Variants in NRCAM observed in about 807,000 individuals in gnomAD.
The protein encoded by NRCAM is NgCAM-related cell adhesion molecule.
Under a neutral mutation model 156.5 loss-of-function variants are expected in NRCAM, and 83 were observed. The ratio of observed to expected loss-of-function variants is 0.53; its 90% CI spans 0.44 to 0.64. NRCAM has a LOEUF of 0.64. NRCAM is among the 30% of genes least tolerant of loss of function. The pLI is 0.00. For missense variants in NRCAM, 1,417 were observed against 1,597.3 expected, an observed-to-expected ratio of 0.89 and a Z score of 1.92; for synonymous variants, 538 against 563.9, an observed-to-expected ratio of 0.95 and a Z score of 0.65.
At chr7:108,193,961 C>A in intron 17 of NRCAM, 63 bp downstream of exon 17, 1 of 1,527,124 alleles carries the variant, frequency 6.5e-7, no homozygotes, top group Non-Finnish European at 9.0e-7. Flanking sequence ...CATAGTAGAC[C>A]TTTAGTTCAA....
At chr7:108,220,227 T>C (rs748767092) in intron 11 of NRCAM, among the ~76,000 whole-genome samples, 82 of 152,206 alleles carry the variant, frequency 5.4e-4, no homozygotes, top group Non-Finnish European at 9.7e-4. Flanking sequence ...ACACATCCCA[T>C]GCTCATGGAA....
At chr7:108,416,921 C>A (rs1802255935) in intron 1 of NRCAM, among the ~76,000 whole-genome samples, 2 of 152,358 alleles carry the variant, frequency 1.3e-5, no homozygotes, top group South Asian at 4.1e-4. Flanking sequence ...CCTCCCATTT[C>A]AGATCCATGC....
At chr7:108,174,502 C>A (rs1238829679) in intron 28 of NRCAM, among the ~76,000 whole-genome samples, 1 of 152,246 alleles carries the variant, frequency 6.6e-6, no homozygotes, top group Non-Finnish European at 1.5e-5. Flanking sequence ...AGGTACTCCA[C>A]TGCTCTCTAA....
chr7:108,282,053 T>C (rs1168862895), intron 3 of NRCAM, among the ~76,000 whole-genome samples: 1 of 152,188 alleles, frequency 6.6e-6, no homozygotes, highest in African/African-American at 2.4e-5. Flanking sequence ...ATAGCTTAAA[T>C]AACAAGCAGC....
At chr7:108,335,888 G>T (rs572958942) in intron 2 of NRCAM, among the ~76,000 whole-genome samples, 1 of 152,090 alleles carries the variant, frequency 6.6e-6, no homozygotes, top group African/African-American at 2.4e-5. Context: ...ACAGTCAGTA[G>T]AAAGCACTAC....
At chr7:108,368,225 C>A (rs1298293168) in intron 2 of NRCAM, among the ~76,000 whole-genome samples, 5 of 8,692 alleles carry the variant, frequency 5.8e-4, no homozygotes, top group African/African-American at 8.7e-4. Flanking sequence ...CACTTTCATA[C>A]CCCCCCCCAC....
chr7:108,320,909 G>A (rs968932652), intron 2 of NRCAM, among the ~76,000 whole-genome samples: 19 of 152,184 alleles, frequency 1.2e-4, no homozygotes, highest in East Asian at 9.6e-4. Flanking sequence ...GTTAATTTAC[G>A]CAGGCGTAAA....
At chr7:108,169,767 C>G (rs2057305016) in intron 28 of NRCAM, among the ~76,000 whole-genome samples, 1 of 152,022 alleles carries the variant, frequency 6.6e-6, no homozygotes, top group African/African-American at 2.4e-5. Context: ...TAAATATGCA[C>G]ACATGTGTAA....
intron 3 of NRCAM, among the ~76,000 whole-genome samples, chr7:108,270,347 C>G (rs565886032): frequency 1.3e-5 from 2 of 152,160 alleles, no homozygotes; most frequent in South Asian, 2.1e-4. Context: ...CCAAGCACCC[C>G]CCTTCAAGGT....
chr7:108,319,690 G>T (rs1354707329), intron 2 of NRCAM, among the ~76,000 whole-genome samples: 1 of 152,184 alleles, frequency 6.6e-6, no homozygotes, highest in Non-Finnish European at 1.5e-5. Flanking sequence ...GTCAAGGTCA[G>T]ACTTTTCTAA....
At chr7:108,322,203 A>G (rs540077269) in intron 2 of NRCAM, among the ~76,000 whole-genome samples, 1 of 152,206 alleles carries the variant, frequency 6.6e-6, no homozygotes, top group South Asian at 2.1e-4. Context: ...TTCTTTTTAG[A>G]TGTTCTAGTT....
At position 108,191,724 on chromosome 7, in the gene NRCAM, C is replaced by G; in HGVS notation, c.1903+5G>C. The stretch of plus-strand genomic sequence containing the variant: ...CAGTTGTGCTATTTTTGTTTTCGTT[C>G]TTACCAACAACGCTAAGCACAGCGC... On this transcript the variant is annotated splice_donor_5th_base_variant and intron_variant, in intron 18 of 32. Coordinates refer to ENST00000379028, the MANE Select transcript of NRCAM (RefSeq NM_001037132.4). 2 of 1,584,362 alleles carry G rather than the reference C, an allele frequency of 1.3e-6. No homozygotes were observed. Among genetic ancestry groups the G allele is most frequent in the Non-Finnish European group, 1.7e-6 (2 of 1,162,552 alleles).
intron 3 of NRCAM, among the ~76,000 whole-genome samples, chr7:108,258,832 C>A (rs2096783347): frequency 1.3e-5 from 2 of 152,222 alleles, no homozygotes; most frequent in Non-Finnish European, 2.9e-5. Context: ...ACCCAGTCTG[C>A]TTTCTCCACT....
chr7:108,320,642 T>G (rs1332290090), intron 2 of NRCAM, among the ~76,000 whole-genome samples: 1 of 152,226 alleles, frequency 6.6e-6, no homozygotes, highest in Non-Finnish European at 1.5e-5. Flanking sequence ...AATATGATTA[T>G]TTAGGCATGT....
At position 108,293,435 on chromosome 7, in the gene NRCAM, C is replaced by A. The variant is rs373400690; in HGVS notation, c.-107+19230G>T. Among the ~76,000 whole-genome samples the A allele has an allele frequency of 8.5e-5, 13 of 152,262 alleles. No individual in the cohort carries two copies. In the East Asian group the frequency reaches 2.1e-3, roughly 25 times the overall value. Reference sequence around the variant, plus strand: ...CTCAGCTGCTTATCTTTGGATATGACCCATCAGAAGAGAATTGCAAAAAAA... The same window carrying A: ...CTCAGCTGCTTATCTTTGGATATGAACCATCAGAAGAGAATTGCAAAAAAA... On this transcript the variant is annotated intron_variant, in intron 3 of 32. Transcript: ENST00000379028.
At chr7:108,427,693 T>C (rs905503216) in intron 1 of NRCAM, among the ~76,000 whole-genome samples, 3 of 152,340 alleles carry the variant, frequency 2.0e-5, no homozygotes, top group Non-Finnish European at 2.9e-5. Context: ...AACCTTGAAA[T>C]CCTTTACTCA....
intron 4 of NRCAM, among the ~76,000 whole-genome samples, chr7:108,238,625 A>T (rs2095304627): frequency 6.6e-6 from 1 of 152,150 alleles, no homozygotes; most frequent in East Asian, 1.9e-4. Flanking sequence ...CAGTCAGATT[A>T]AGGGGGAATA....
chr7:108,275,581 T>C (rs1264913905), intron 3 of NRCAM, among the ~76,000 whole-genome samples: 1 of 152,238 alleles, frequency 6.6e-6, no homozygotes, highest in Non-Finnish European at 1.5e-5. Context: ...TCGATGGTGA[T>C]ATCCCCTTTA....
chr7:108,203,867 C>T (rs527730825), intron 13 of NRCAM, among the ~76,000 whole-genome samples: 52 of 152,352 alleles, frequency 3.4e-4, no homozygotes, highest in Admixed American at 2.5e-3. Context: ...AGCAAGCCAG[C>T]TTGTGCTCCC....
Sources: allele counts gnomAD v4.1 joint callset (sites outside exome capture counted in the v4.1 genomes callset), GRCh38; gene constraint gnomAD v4.1.1; transcripts MANE v1.5; gene names NCBI Gene and HGNC (gene_info 2026-07-23, HGNC 2026-07-21).